Variants in VAX1 observed in about 807,000 individuals in gnomAD.
VAX1 encodes ventral anterior homeobox 1.
A neutral mutation model predicts 17.6 loss-of-function variants in VAX1; 6 were observed. The observed-to-expected ratio is 0.34, with a 90% CI of 0.19 to 0.67. The LOEUF is 0.67. VAX1 is among the 30% of genes least tolerant of loss of function. VAX1 has a pLI of 0.69. For missense variants in VAX1, 408 were observed against 463.7 expected, an observed-to-expected ratio of 0.88 and a Z score of 1.10; for synonymous variants, 256 against 227.4, an observed-to-expected ratio of 1.13 and a Z score of -1.13.
chr10:117,134,137 C>G lies in VAX1; in HGVS notation c.876G>C (p.Pro292=). The change falls in exon 3 of 3, where the codon CCG becomes CCC. Residue 292 remains proline, a synonymous_variant. Transcript: ENST00000369206. This position sits in a 1 kb window ranked among gnomAD's most constrained non-coding sequence, Gnocchi z 6.2. ...GSVASRLSSA[P]LTMAGSLAGN... ...CAGCTAGCGAACCAGCCATTGTTAA[C>G]GGGGCGGAGGACAGGCGGCTGGCGA... The G allele has an allele frequency of 2.0e-6, 3 of 1,535,098 alleles. No individual in the cohort carries two copies. The South Asian group carries it at 3.7e-5, about 19-fold the overall frequency.
In VAX1 at chr10:117,134,427, G is replaced by A. The variant is rs1243366229; in HGVS notation, c.586C>T (p.Leu196=). The change falls in exon 3 of 3, where the codon CTG becomes TTG. Residue 196 remains leucine, a synonymous_variant. Transcript: ENST00000369206. This position sits in a 1 kb window ranked among gnomAD's most constrained non-coding sequence, Gnocchi z 6.2. ...RLLSPPGLPA[L]LPPCATGALG... is the part of the protein sequence containing the mutation. ...GCGCCCGTGGCGCAAGGCGGCAGCA[G>A]CGCAGGCAGGCCGGGCGGCGACAAC... 6.6e-7 allele frequency: 1 copy of A among 1,504,792 alleles called. No homozygotes were observed. The allele number at this position is 1,504,792 out of a possible 1,614,324, so 93.2% of individuals were successfully genotyped here. A position where few individuals can be genotyped will look rare whatever the true frequency, so the allele number is the denominator to read the frequency against.
At position 117,133,888 on chromosome 10, in the gene VAX1, G is replaced by C. The variant is rs1854126165; in HGVS notation, c.*120C>G. The stretch of plus-strand genomic sequence containing the variant: ...CAGAGTCTAGTGGGAAAGGAGAGCT[G>C]TCAGAGGCCTGGTGGGAGCCAGGAG... On this transcript the variant is annotated 3_prime_UTR_variant, in exon 3 of 3. Coordinates refer to ENST00000369206, the MANE Select transcript of VAX1 (RefSeq NM_001112704.2). 1 of 1,399,470 alleles carries C rather than the reference G, an allele frequency of 7.1e-7. No homozygotes were observed. The highest frequency in any genetic ancestry group is 1.5e-5 in the African/African-American group (1 of 65,470). 86.7% of individuals were successfully genotyped at this position (1,399,470 alleles called of 1,614,324 possible). A position where few individuals can be genotyped will look rare whatever the true frequency, so the allele number is the denominator to read the frequency against.
Position 117,133,467 on chromosome 10 carries a change from C to G in VAX1, c.*541G>C. On this transcript the variant is annotated 3_prime_UTR_variant, in exon 3 of 3. Coordinates refer to ENST00000369206, the MANE Select transcript of VAX1 (RefSeq NM_001112704.2). ...GGAAGCTGTGTTGTGTACCGACTATCCCGAGAGGTCCGCAAAGCGGGGCCC... is the reference window on the plus strand; with the variant it reads ...GGAAGCTGTGTTGTGTACCGACTATGCCGAGAGGTCCGCAAAGCGGGGCCC... 4 of 985,572 alleles carry G rather than the reference C, an allele frequency of 4.1e-6. No homozygotes were observed. Among genetic ancestry groups the G allele is most frequent in the Non-Finnish European group, 4.8e-6 (4 of 830,054 alleles). 61.1% of individuals were successfully genotyped at this position (985,572 alleles called of 1,614,324 possible).
chr10:117,138,123 G>T lies in VAX1; in HGVS notation c.-67C>A. The T allele has an allele frequency of 4.2e-6, 1 of 238,130 alleles. No homozygotes were observed. Among genetic ancestry groups the T allele is most frequent in the Non-Finnish European group, 7.7e-6 (1 of 130,694 alleles). The allele number at this position is 238,130 out of a possible 1,614,324, so 14.8% of individuals were successfully genotyped here. On this transcript the variant is annotated 5_prime_UTR_variant, in exon 1 of 3. Coordinates refer to ENST00000369206, the MANE Select transcript of VAX1 (RefSeq NM_001112704.2). Reference sequence around the variant, plus strand: ...AAAAAAAAAAAAAGGGGGGGGGGCGGAGAAGGAAAAAAAAAAGAGGAAAAA... The same window carrying T: ...AAAAAAAAAAAAAGGGGGGGGGGCGTAGAAGGAAAAAAAAAAGAGGAAAAA...
downstream of VAX1, chr10:117,132,233 C>T: frequency 6.2e-7 from 1 of 1,614,036 alleles, no homozygotes; most frequent in Non-Finnish European, 8.5e-7. The surrounding 1 kb of genome is among the most constrained non-coding windows in gnomAD (Gnocchi z 4.9). Flanking sequence ...ACCCTCTGCC[C>T]CCGGAGTCCC....
rs1378468664 is a variant in VAX1 at position 117,133,973 on chromosome 10, A to T, written c.*35T>A. On this transcript the variant is annotated 3_prime_UTR_variant, in exon 3 of 3. Transcript: ENST00000369206. Reference sequence around the variant, plus strand: ...GAGTCCATAAATATCACCACAATAGATACTATAAATATAAATACAGGGAAA... The same window carrying T: ...GAGTCCATAAATATCACCACAATAGTTACTATAAATATAAATACAGGGAAA... 136 of 1,487,664 alleles carry T rather than the reference A, an allele frequency of 9.1e-5. No homozygotes were observed. Among genetic ancestry groups the T allele is most frequent in the Non-Finnish European group, 1.2e-4 (133 of 1,123,326 alleles). 92.2% of individuals were successfully genotyped at this position (1,487,664 alleles called of 1,614,324 possible).
Position 117,134,362 on chromosome 10 carries a change from C to G in VAX1, c.651G>C (p.Leu217=), listed in dbSNP as rs925870902. Residue 217 remains leucine (L), a synonymous_variant, in exon 3 of 3, where the codon CTG becomes CTC. Transcript: ENST00000369206. The surrounding 1 kb of genome is among the most constrained non-coding windows in gnomAD (Gnocchi z 6.2). ...SALRGPSLPA[L]GAGAAAGSAA... ...CCGAGCCTGCAGCGGCGCCCGCGCC[C>G]AGGGCCGGCAAGCTGGGCCCGCGCA... The G allele has an allele frequency of 3.8e-4, 448 of 1,171,396 alleles. 1 individual carries two copies. The highest frequency in any genetic ancestry group is 1.6e-4 in the Non-Finnish European group (155 of 950,026). 72.6% of individuals were successfully genotyped at this position (1,171,396 alleles called of 1,614,324 possible).
In VAX1 at chr10:117,133,961, T is replaced by C. The variant is rs1471419904; in HGVS notation, c.*47A>G. On this transcript the variant is annotated 3_prime_UTR_variant, in exon 3 of 3. Transcript: ENST00000369206. ...CCTAATGCGCGTGAGTCCATAAATA[T>C]CACCACAATAGATACTATAAATATA... 5.5e-6 allele frequency: 8 copies of C among 1,463,112 alleles called. No homozygotes were observed. The highest frequency in any genetic ancestry group is 3.1e-5 in the Admixed American group (1 of 32,472). The allele number at this position is 1,463,112 out of a possible 1,614,324, so 90.6% of individuals were successfully genotyped here. A position where few individuals can be genotyped will look rare whatever the true frequency, so the allele number is the denominator to read the frequency against.
rs1296974674 is a variant in VAX1 at position 117,138,222 on chromosome 10, C to T, written c.-166G>A. The T allele has an allele frequency of 4.6e-6, 4 of 863,166 alleles. No individual in the cohort carries two copies. Among genetic ancestry groups the T allele is most frequent in the Non-Finnish European group, 5.3e-6 (3 of 570,776 alleles). 53.5% of individuals were successfully genotyped at this position (863,166 alleles called of 1,614,324 possible). ...GGCAAGGGGCAAGAATGAATGTCCC[C>T]GCGGGGAGGCTTCGGCGGCCGCGCG... On this transcript the variant is annotated 5_prime_UTR_variant, in exon 1 of 3. Coordinates refer to ENST00000369206, the MANE Select transcript of VAX1 (RefSeq NM_001112704.2).
downstream of VAX1, chr10:117,129,252 T>C (rs1005625425): frequency 2.0e-5 from 3 of 152,348 alleles, no homozygotes; most frequent in Non-Finnish European, 2.9e-5. Flanking sequence ...GTGTTTAAAA[T>C]GCACGTTCCT....
downstream of VAX1, chr10:117,132,311 A>G (rs1854098096): frequency 6.2e-7 from 1 of 1,613,992 alleles, no homozygotes; most frequent in Non-Finnish European, 8.5e-7. The surrounding 1 kb of genome is among the most constrained non-coding windows in gnomAD (Gnocchi z 4.9). Flanking sequence ...TCCTTCAAAT[A>G]TAAGACAAAA....
chr10:117,132,037 A>G, downstream of VAX1: 1 of 608,222 alleles, frequency 1.6e-6, no homozygotes, highest in Non-Finnish European at 2.8e-6. The surrounding 1 kb of genome is among the most constrained non-coding windows in gnomAD (Gnocchi z 4.9). Flanking sequence ...TGGGAAATTA[A>G]GGAGGAGGGT....
rs1206919612 is a variant in VAX1, at chr10:117,133,870, T to C, written c.*138A>G. 11 of 1,373,900 alleles carry C rather than the reference T, an allele frequency of 8.0e-6. No individual in the cohort carries two copies. Among genetic ancestry groups the C allele is most frequent in the African/African-American group, 1.5e-5 (1 of 65,036 alleles). The allele number at this position is 1,373,900 out of a possible 1,614,324, so 85.1% of individuals were successfully genotyped here. On this transcript the variant is annotated 3_prime_UTR_variant, in exon 3 of 3. Coordinates refer to ENST00000369206, the MANE Select transcript of VAX1 (RefSeq NM_001112704.2). ...ATGAGATGAAATTGGTAGCAGAGTC[T>C]AGTGGGAAAGGAGAGCTGTCAGAGG...
At chr10:117,129,488 C>T (rs574627842), downstream of VAX1, 9 of 152,666 alleles carry the variant, frequency 5.9e-5, no homozygotes, top group African/African-American at 1.7e-4. Context: ...TTCAAGAAAT[C>T]TTAAAAAGAC....
Position 117,134,215 on chromosome 10 carries a change from C to T in VAX1, c.798G>A (p.Pro266=). 1.4e-5 allele frequency: 20 copies of T among 1,464,086 alleles called. No homozygotes were observed. Among genetic ancestry groups the T allele is most frequent in the Non-Finnish European group, 1.8e-5 (20 of 1,114,544 alleles). The allele number at this position is 1,464,086 out of a possible 1,614,324, so 90.7% of individuals were successfully genotyped here. A position where few individuals can be genotyped will look rare whatever the true frequency, so the allele number is the denominator to read the frequency against. ...GGCTGAAGAGGCTGTGGCCCGCGGC[C>T]GGGGCGCCTGCGTGCAATCCCCCCG... ...AGPGGLHAGA[P]AAGHSLFSLP... Residue 266 remains proline, a synonymous_variant, in exon 3 of 3, where the codon CCG becomes CCA. Transcript: ENST00000369206. This position sits in a 1 kb window ranked among gnomAD's most constrained non-coding sequence, Gnocchi z 6.2.
chr10:117,134,977 G>C lies in VAX1; in HGVS notation c.430-394C>G, dbSNP rs938145003. Among the ~76,000 whole-genome samples, 5 of 152,236 alleles carry C rather than the reference G, an allele frequency of 3.3e-5. No homozygotes were observed. Among genetic ancestry groups the C allele is most frequent in the Non-Finnish European group, 7.3e-5 (5 of 68,038 alleles). The stretch of plus-strand genomic sequence containing the variant: ...TGCAGTCCCAAAGCCGGAATTTCCG[G>C]TGGAGGGTGTGAGGCCCTAGGGTGC... On this transcript the variant is annotated intron_variant, in intron 2 of 2. Coordinates refer to ENST00000369206, the MANE Select transcript of VAX1 (RefSeq NM_001112704.2). The surrounding 1 kb of genome is among the most constrained non-coding windows in gnomAD (Gnocchi z 6.2).
rs1854191509 is a variant in VAX1 at position 117,137,089 on chromosome 10, T to A, written c.242-430A>T. 7.0e-6 allele frequency among the ~76,000 whole-genome samples: 1 copy of A among 142,630 alleles called. No homozygotes were observed. The highest frequency in any genetic ancestry group is 1.5e-5 in the Non-Finnish European group (1 of 65,284). The allele number at this position is 142,630 out of a possible 152,430, so 93.6% of individuals were successfully genotyped here. The stretch of plus-strand genomic sequence containing the variant: ...ACGTCCCCACCCCCACCCTCGAGTC[T>A]CCTTCCCTCCGGAGTCCGCGCGGCG... On this transcript the variant is annotated intron_variant, in intron 1 of 2. Transcript: ENST00000369206. The surrounding 1 kb of genome is among the most constrained non-coding windows in gnomAD (Gnocchi z 7.4).
At position 117,134,231 on chromosome 10, in the gene VAX1, A is replaced by C; in HGVS notation, c.782T>G (p.Leu261Trp). 7.0e-7 allele frequency: 1 copy of C among 1,437,920 alleles called. No individual in the cohort carries two copies. The highest frequency in any genetic ancestry group is 3.5e-5 in the Admixed American group (1 of 28,640). 89.1% of individuals were successfully genotyped at this position (1,437,920 alleles called of 1,614,324 possible). ...GCCCGCGGCCGGGGCGCCTGCGTGCAATCCCCCCGGCCCGGCGGGCCCGGG... is the reference window on the plus strand; with the variant it reads ...GCCCGCGGCCGGGGCGCCTGCGTGCCATCCCCCCGGCCCGGCGGGCCCGGG... ...PGPGPAGPGG[L>W]HAGAPAAGHS... Residue 261 changes from leucine to tryptophan, a missense_variant, in exon 3 of 3, where the codon TTG (leucine) becomes TGG (tryptophan). By Grantham distance (61) the Leu-to-Trp change is moderately conservative. This residue lies in a region of VAX1 where 196 missense variants were observed against 218.7 expected (regional missense o/e 0.90). Transcript: ENST00000369206. This position sits in a 1 kb window ranked among gnomAD's most constrained non-coding sequence, Gnocchi z 6.2.
At position 117,134,143 on chromosome 10, in the gene VAX1, G is replaced by A; in HGVS notation, c.870C>T (p.Ser290=). 6.5e-7 allele frequency: 1 copy of A among 1,532,846 alleles called. No homozygotes were observed. Among genetic ancestry groups the A allele is most frequent in the Non-Finnish European group, 8.8e-7 (1 of 1,139,166 alleles). 95.0% of individuals were successfully genotyped at this position (1,532,846 alleles called of 1,614,324 possible). The change falls in exon 3 of 3, where the codon TCC becomes TCT. Residue 290 remains serine (S), a synonymous_variant. Coordinates refer to ENST00000369206, the MANE Select transcript of VAX1 (RefSeq NM_001112704.2). The surrounding 1 kb of genome is among the most constrained non-coding windows in gnomAD (Gnocchi z 6.2). The part of the protein sequence containing the change: ...LLGSVASRLS[S]APLTMAGSLA... ...GCGAACCAGCCATTGTTAACGGGGC[G>A]GAGGACAGGCGGCTGGCGACGGAGC...
Sources: gnomAD v4.1 joint callset for allele counts (sites outside exome capture counted in the v4.1 genomes callset) on GRCh38, gnomAD v4.1.1 for gene constraint, gnomAD v4.1.1 regional missense constraint, Gnocchi (gnomAD v3.1) non-coding constraint, MANE v1.5 for transcripts, NCBI Gene and HGNC (gene_info 2026-07-23, HGNC 2026-07-21) for gene names.